Variants in CCDC149 observed in about 807,000 individuals in gnomAD.
The protein encoded by CCDC149 is coiled-coil domain-containing protein 149.
A neutral mutation model predicts 59.9 loss-of-function variants in CCDC149; 45 were observed. The observed-to-expected ratio is 0.75, with a 90% CI of 0.59 to 0.96. The LOEUF is 0.96. Among genes scored for constraint, CCDC149 ranks in the 40% least tolerant of loss-of-function variants. The pLI, the probability that CCDC149 is intolerant of heterozygous loss-of-function variation, is 0.00. For synonymous variants in CCDC149, 245 were observed against 260.6 expected, an observed-to-expected ratio of 0.94 and a Z score of 0.58; for missense variants, 584 against 664.7, an observed-to-expected ratio of 0.88 and a Z score of 1.33.
intron 1 of CCDC149, chr4:24,895,113 T>G: frequency 9.8e-7 from 1 of 1,019,332 alleles, no homozygotes; most frequent in Non-Finnish European, 1.5e-6. Context: ...GAATAAGTAG[T>G]GCTGACTAGG....
intron 4 of CCDC149, among the ~76,000 whole-genome samples, chr4:24,848,370 ACCAT>A (rs1717442696): frequency 6.6e-6 from 1 of 152,098 alleles, no homozygotes; most frequent in Non-Finnish European, 1.5e-5. Context: ...AGAGATCGAG[ACCAT>A]CCTGGCTAAC....
chr4:24,832,261 T>A (rs1041549248), intron 8 of CCDC149, among the ~76,000 whole-genome samples: 4 of 152,214 alleles, frequency 2.6e-5, no homozygotes, highest in Non-Finnish European at 4.4e-5. Context: ...CCACTTAGGA[T>A]AAGGTCAAGT....
intron 9 of CCDC149, among the ~76,000 whole-genome samples, chr4:24,825,502 G>A (rs1265199728): frequency 6.6e-6 from 1 of 152,134 alleles, no homozygotes; most frequent in Non-Finnish European, 1.5e-5. Context: ...GGCCGGGCAT[G>A]GGGGTTCACG....
At chr4:24,919,091 A>G (rs995113967) in intron 1 of CCDC149, among the ~76,000 whole-genome samples, 7 of 152,160 alleles carry the variant, frequency 4.6e-5, no homozygotes, top group Non-Finnish European at 7.4e-5. Flanking sequence ...CATATGACAC[A>G]ATGGTTGCCA....
At position 24,820,143 on chromosome 4, in the gene CCDC149, C is replaced by A. The variant is rs183246334; in HGVS notation, c.1076-168G>T. 2.8e-3 allele frequency: 1,660 copies of A among 587,988 alleles called. 28 individuals carry two copies. The highest frequency in any genetic ancestry group is 0.028 in the African/African-American group (1,500 of 53,544). 36.4% of individuals were successfully genotyped at this position (587,988 alleles called of 1,614,324 possible). ...TCCATACTTCCTTACACTATTGCACCACCCTAGCCCTAACCCTTGCACACA... is the reference window on the plus strand; with the variant it reads ...TCCATACTTCCTTACACTATTGCACAACCCTAGCCCTAACCCTTGCACACA... On this transcript the variant is annotated intron_variant, in intron 11 of 12. Coordinates refer to ENST00000635206, the MANE Select transcript of CCDC149 (RefSeq NM_001330643.2).
intron 3 of CCDC149, among the ~76,000 whole-genome samples, chr4:24,858,107 A>G (rs1003178529): frequency 1.3e-5 from 2 of 152,224 alleles, no homozygotes; most frequent in Admixed American, 6.5e-5. Flanking sequence ...GACCAAAAAT[A>G]ACACCCATGA....
In CCDC149 at chr4:24,975,627, C is replaced by G. The variant is rs557088958; in HGVS notation, c.-65+4442G>C. Among the ~76,000 whole-genome samples, 21 of 151,442 alleles carry G rather than the reference C, an allele frequency of 1.4e-4. No homozygotes were observed. In the South Asian group the frequency reaches 2.3e-3, roughly 17 times the overall value. ...GGAAGCATACGTCCTGGGGAAGGAG[C>G]TCATTGATGGGGCTTGGGTCCATGC... On this transcript the variant is annotated intron_variant, in intron 1 of 12. Transcript: ENST00000389609.
In CCDC149 at chr4:24,912,934, C is replaced by T. The variant is rs1721983422; in HGVS notation, c.-55G>A. The T allele has an allele frequency of 9.4e-7, 1 of 1,065,392 alleles. No homozygotes were observed. Among genetic ancestry groups the T allele is most frequent in the Non-Finnish European group, 1.2e-6 (1 of 826,116 alleles). 66.0% of individuals were successfully genotyped at this position (1,065,392 alleles called of 1,614,324 possible). Reference sequence around the variant, plus strand: ...CCTCCTCCTCCTCGCGACGTCGCGTCGCCGCCGCCGCCCGGGCCCCGCGCG... The same window carrying T: ...CCTCCTCCTCCTCGCGACGTCGCGTTGCCGCCGCCGCCCGGGCCCCGCGCG... On this transcript the variant is annotated 5_prime_UTR_variant, in exon 1 of 13. Transcript: ENST00000635206.
intron 1 of CCDC149, among the ~76,000 whole-genome samples, chr4:24,947,258 TG>T (rs1052310077): frequency 6.6e-6 from 1 of 152,140 alleles, no homozygotes; most frequent in Non-Finnish European, 1.5e-5. Flanking sequence ...AATTTAGTCA[TG>T]GGGGTGGTTA....
At chr4:24,864,479 A>C (rs1287386082) in intron 3 of CCDC149, among the ~76,000 whole-genome samples, 2 of 150,438 alleles carry the variant, frequency 1.3e-5, no homozygotes, top group African/African-American at 2.5e-5. Flanking sequence ...GACGGCTTCG[A>C]CTCCCTGTGA....
Position 24,899,774 on chromosome 4 carries a change from G to A in CCDC149, c.63+13043C>T, listed in dbSNP as rs373710151. On this transcript the variant is annotated intron_variant, in intron 1 of 12. Coordinates refer to ENST00000635206, the MANE Select transcript of CCDC149 (RefSeq NM_001330643.2). ...AAAGGAGACTATTGTGCCATTGTTT[G>A]GTTCCAGAATGAATGCCATACTTGG... Among the ~76,000 whole-genome samples the A allele has an allele frequency of 8.5e-5, 13 of 152,112 alleles. No homozygotes were observed. In the East Asian group the frequency reaches 1.2e-3, roughly 14 times the overall value.
At chr4:24,816,948 T>C (rs932280852) in intron 12 of CCDC149, among the ~76,000 whole-genome samples, 2 of 152,176 alleles carry the variant, frequency 1.3e-5, no homozygotes, top group Non-Finnish European at 2.9e-5. Context: ...CGCGCGCTGC[T>C]TTCAGTTGGA....
At chr4:24,935,507 G>T (rs767576357) in intron 1 of CCDC149, among the ~76,000 whole-genome samples, 17 of 152,068 alleles carry the variant, frequency 1.1e-4, no homozygotes, top group Non-Finnish European at 2.1e-4. Flanking sequence ...AGGACTTTGG[G>T]ACATTATTAG....
intron 1 of CCDC149, among the ~76,000 whole-genome samples, chr4:24,906,516 G>C (rs1721544430): frequency 6.6e-6 from 1 of 151,366 alleles, no homozygotes; most frequent in African/African-American, 2.4e-5. Flanking sequence ...ATTCTGTCTC[G>C]GCCTCCCGAG....
chr4:24,850,572 T>C (rs930813518), intron 4 of CCDC149, among the ~76,000 whole-genome samples: 3 of 151,926 alleles, frequency 2.0e-5, no homozygotes, highest in Admixed American at 2.0e-4. Flanking sequence ...AGGGCTCAAG[T>C]AAGGGTGACC....
At chr4:24,831,781 C>T in intron 8 of CCDC149, 131 bp from the exon 9 acceptor site, 2 of 729,526 alleles carry the variant, frequency 2.7e-6, no homozygotes, top group Non-Finnish European at 4.2e-6. Flanking sequence ...ATTGAGAGTC[C>T]ACCTCAAGTG....
At chr4:24,866,635 A>G (rs1291224878) in intron 3 of CCDC149, among the ~76,000 whole-genome samples, 1 of 152,138 alleles carries the variant, frequency 6.6e-6, no homozygotes. Context: ...TGTTGTCTCA[A>G]TTTCTTCACA....
At chr4:24,894,211 A>G (rs1318845808) in intron 1 of CCDC149, among the ~76,000 whole-genome samples, 1 of 152,212 alleles carries the variant, frequency 6.6e-6, no homozygotes, top group Non-Finnish European at 1.5e-5. Context: ...TCCTGAATTG[A>G]AAATTACATT....
At chr4:24,970,879 G>C (rs1400091304) in intron 1 of CCDC149, among the ~76,000 whole-genome samples, 1 of 152,152 alleles carries the variant, frequency 6.6e-6, no homozygotes. Context: ...TCCCTGGAGT[G>C]GGTGTCAAAA....
Sources: gnomAD v4.1 joint callset for allele counts (sites outside exome capture counted in the v4.1 genomes callset) on GRCh38, gnomAD v4.1.1 for gene constraint, MANE v1.5 for transcripts, NCBI Gene and HGNC (gene_info 2026-07-23, HGNC 2026-07-21) for gene names.